TMED5: variants seen among roughly 807,000 people sequenced by gnomAD.
TMED5 encodes the protein transmembrane emp24 domain-containing protein 5.
Under a neutral mutation model 23.0 loss-of-function variants are expected in TMED5, and 27 were observed. The observed-to-expected ratio is 1.17, with a 90% CI of 0.86 to 1.62. TMED5 has a LOEUF of 1.62. TMED5 is among the 40% of genes most tolerant of loss of function. The probability of loss-of-function intolerance (pLI) is 0.00; values close to 1 mark genes in which losing one functional copy is unlikely to be tolerated. For missense variants in TMED5, 248 were observed against 273.7 expected (o/e 0.91, Z 0.66); for synonymous variants, 97 against 100.8 (o/e 0.96, Z 0.23).
At chr1:93,159,689 A>AT (rs1648201243) in intron 2 of TMED5, among the ~76,000 whole-genome samples, 1 of 151,916 alleles carries the variant, frequency 6.6e-6, no homozygotes, top group Non-Finnish European at 1.5e-5. Context: ...AAAAAAAAAA[A>AT]TTTACGTACA....
At chr1:93,172,487 A>C (rs192120859) in intron 1 of TMED5, among the ~76,000 whole-genome samples, 1 of 152,292 alleles carries the variant, frequency 6.6e-6, no homozygotes, top group Admixed American at 6.5e-5. Flanking sequence ...AGAAAAAAAG[A>C]ATTAGGTACA....
rs752436555 is a variant in TMED5, at chr1:93,154,658, T to C, written c.*12A>G. The C allele has an allele frequency of 6.3e-7, 1 of 1,595,144 alleles. No homozygotes were observed. The highest frequency in any genetic ancestry group is 8.6e-7 in the Non-Finnish European group (1 of 1,165,372). On this transcript the variant is annotated 3_prime_UTR_variant, in exon 4 of 4. Coordinates refer to ENST00000370282, the MANE Select transcript of TMED5 (RefSeq NM_016040.5). ...CCTCATTTTTCAATGTTACGTACTCTAGTTTGGAGTTTTAAGTTCTACTTT... is the reference window on the plus strand; with the variant it reads ...CCTCATTTTTCAATGTTACGTACTCCAGTTTGGAGTTTTAAGTTCTACTTT...
intron 1 of TMED5, among the ~76,000 whole-genome samples, chr1:93,164,250 C>A: frequency 6.6e-6 from 1 of 151,464 alleles, no homozygotes; most frequent in Non-Finnish European, 1.5e-5. Context: ...ATAGCAAGGG[C>A]AAAGAAAAAA....
At chr1:93,172,975 TG>T (rs1648778827) in intron 1 of TMED5, among the ~76,000 whole-genome samples, 1 of 152,214 alleles carries the variant, frequency 6.6e-6, no homozygotes, top group Non-Finnish European at 1.5e-5. Flanking sequence ...ATCTCATATG[TG>T]GAATTCCTAG....
At chr1:93,156,951 T>C (rs1013949150) in intron 2 of TMED5, among the ~76,000 whole-genome samples, 1 of 152,106 alleles carries the variant, frequency 6.6e-6, no homozygotes, top group Non-Finnish European at 1.5e-5. Context: ...TGAAAATATA[T>C]ATGTTCAAGT....
rs1649261918 is a variant in TMED5, at chr1:93,180,085, G to A, written c.158C>T (p.Pro53Leu). The A allele has an allele frequency of 6.2e-7, 1 of 1,613,632 alleles. No individual in the cohort carries two copies. The stretch of plus-strand genomic sequence containing the variant: ...CTCGATCTCCAGCGAGGCCTTCAGG[G>A]GCATGGGCTGGTAGAAGCACTCCTT... The part of the protein sequence containing the change: ...GQKECFYQPM[P>L]LKASLEIEYQ... Residue 53 changes from proline to leucine, a missense_variant, in exon 1 of 4, where the codon CCC becomes CTC. Physicochemically the swap from Pro to Leu is moderately conservative, Grantham distance 98 (BLOSUM62 -3). Transcript: ENST00000370282.
At chr1:93,170,411 C>T (rs1040162504) in intron 1 of TMED5, among the ~76,000 whole-genome samples, 12 of 152,234 alleles carry the variant, frequency 7.9e-5, no homozygotes, top group Admixed American at 2.0e-4. Flanking sequence ...AGCACCTGGG[C>T]CAGCAGCTGC....
intron 1 of TMED5, among the ~76,000 whole-genome samples, chr1:93,173,313 C>T (rs191857446): frequency 5.1e-4 from 77 of 152,214 alleles, no homozygotes; most frequent in African/African-American, 1.9e-3. Flanking sequence ...TAAATGTATA[C>T]AATTATAATT....
chr1:93,167,738 C>T (rs1226759970), intron 1 of TMED5, among the ~76,000 whole-genome samples: 3 of 152,000 alleles, frequency 2.0e-5, no homozygotes, highest in Non-Finnish European at 4.4e-5. Flanking sequence ...AATTGGATGC[C>T]CTTTATTTGT....
Position 93,154,553 on chromosome 1 carries a change from G to A in TMED5, c.*117C>T, listed in dbSNP as rs1647985806. 1 of 686,520 alleles carries A rather than the reference G, an allele frequency of 1.5e-6. No homozygotes were observed. Among genetic ancestry groups the A allele is most frequent in the Non-Finnish European group, 2.4e-6 (1 of 414,402 alleles). 42.5% of individuals were successfully genotyped at this position (686,520 alleles called of 1,614,324 possible). ...TAATTTTCACATTAAAATTATACCTGTTTCCTACTTTTATATCTCAAAATA... is the reference window on the plus strand; with the variant it reads ...TAATTTTCACATTAAAATTATACCTATTTCCTACTTTTATATCTCAAAATA... On this transcript the variant is annotated 3_prime_UTR_variant, in exon 4 of 4. Coordinates refer to ENST00000370282, the MANE Select transcript of TMED5 (RefSeq NM_016040.5).
Position 93,150,052 on chromosome 1 carries a change from T to C in TMED5, c.*4618A>G, listed in dbSNP as rs1647818838. ...AAATACTTCTAACATTTCACATGTA[T>C]ATTTATGTAATCACCACAATCAAAC... On this transcript the variant is annotated 3_prime_UTR_variant, in exon 4 of 4. Transcript: ENST00000370282. 6.6e-6 allele frequency: 1 copy of C among 152,216 alleles called. No homozygotes were observed. The highest frequency in any genetic ancestry group is 2.4e-5 in the African/African-American group (1 of 41,460). 9.4% of individuals were successfully genotyped at this position (152,216 alleles called of 1,614,324 possible). A position where few individuals can be genotyped will look rare whatever the true frequency, so the allele number is the denominator to read the frequency against.
rs533142272 is a variant in TMED5 at position 93,167,483 on chromosome 1, C to T, written c.190-7257G>A. Among the ~76,000 whole-genome samples, 367 of 151,860 alleles carry T rather than the reference C, an allele frequency of 2.4e-3. 1 individual carries two copies. The highest frequency in any genetic ancestry group is 8.5e-3 in the African/African-American group (354 of 41,456). ...TCATTGTAGCGATCTTTCATTTTTT[C>T]GGCTAATTCTTTTTTAATTTTACTT... On this transcript the variant is annotated intron_variant, in intron 1 of 3. Transcript: ENST00000370282.
intron 1 of TMED5, among the ~76,000 whole-genome samples, chr1:93,170,117 A>G (rs1488329272): frequency 2.0e-5 from 3 of 152,234 alleles, no homozygotes. Flanking sequence ...GCATGCTGGC[A>G]GCCCTGGCTC....
chr1:93,155,556 G>A (rs1161016664), intron 3 of TMED5, among the ~76,000 whole-genome samples: 3 of 140,552 alleles, frequency 2.1e-5, no homozygotes, highest in Non-Finnish European at 3.1e-5. Context: ...TTTTTTTGTC[G>A]GGGGATGGAG....
intron 2 of TMED5, among the ~76,000 whole-genome samples, chr1:93,159,519 GAA>G (rs779493993): frequency 2.0e-5 from 3 of 152,158 alleles, no homozygotes; most frequent in Non-Finnish European, 2.9e-5. Flanking sequence ...AGTGAGATAT[GAA>G]AAGAGGGAAG....
chr1:93,156,807 CAAAAAAAAAAAAA>C (rs10572798), intron 2 of TMED5, among the ~76,000 whole-genome samples: 3 of 90,498 alleles, frequency 3.3e-5, no homozygotes, highest in Non-Finnish European at 4.6e-5. Context: ...GATCCTGTCT[CAAAAAAAAAAAAA>C]AAAAAAAAGA....
rs747046165 is a variant in TMED5, at chr1:93,180,121, G to A, written c.122C>T (p.Pro41Leu). The stretch of plus-strand genomic sequence containing the variant: ...GTAGAAGCACTCCTTCTGGCCGGCG[G>A]GAAGGGTAAAGGTGAAGTCGCTATC... Reference protein sequence around the residue: ...SLDSDFTFTLPAGQKECFYQP... With the variant: ...SLDSDFTFTLLAGQKECFYQP... Residue 41 changes from proline (P) to leucine (L), a missense_variant, in exon 1 of 4, where the codon CCC becomes CTC. By Grantham distance (98) the Pro-to-Leu change is moderately conservative (BLOSUM62 -3). Coordinates refer to ENST00000370282, the MANE Select transcript of TMED5 (RefSeq NM_016040.5). The A allele has an allele frequency of 2.5e-5, 40 of 1,613,814 alleles. No homozygotes were observed. The highest frequency in any genetic ancestry group is 3.4e-5 in the Non-Finnish European group (40 of 1,179,850).
chr1:93,170,515 C>T (rs566728424), intron 1 of TMED5, among the ~76,000 whole-genome samples: 5 of 152,336 alleles, frequency 3.3e-5, no homozygotes, highest in East Asian at 1.9e-4. Flanking sequence ...CTCAGCCCCC[C>T]ACTGTGGGCT....
intron 1 of TMED5, among the ~76,000 whole-genome samples, chr1:93,170,701 T>C (rs1571281572): frequency 1.3e-5 from 2 of 152,190 alleles, no homozygotes; most frequent in South Asian, 2.1e-4. Context: ...CTGAGTCTGG[T>C]GGGGACTTGG....
Sources: gnomAD v4.1 joint callset for allele counts (sites outside exome capture counted in the v4.1 genomes callset) on GRCh38, gnomAD v4.1.1 for gene constraint, MANE v1.5 for transcripts, NCBI Gene and HGNC (gene_info 2026-07-23, HGNC 2026-07-21) for gene names.